Variants in SHANK2 observed in about 807,000 individuals in gnomAD.
SHANK2 encodes the protein SH3 and multiple ankyrin repeat domains protein 2.
In SHANK2, 43 loss-of-function variants were observed where a neutral mutation model predicts 133.7. The ratio of observed to expected loss-of-function variants is 0.32; its 90% CI spans 0.25 to 0.41. The LOEUF is 0.41. SHANK2 is among the 10% of genes least tolerant of loss of function. The pLI, the probability that SHANK2 is intolerant of heterozygous loss-of-function variation, is 1.00. For missense variants in SHANK2, 1,994 were observed against 2,235.8 expected (o/e 0.89, Z 2.18); for synonymous variants, 1,017 against 952.8 (o/e 1.07, Z -1.24).
chr11:71,202,640 CAG>C (rs1349332422), intron 2 of SHANK2, among the ~76,000 whole-genome samples: 1 of 152,160 alleles, frequency 6.6e-6, no homozygotes, highest in African/African-American at 2.4e-5. Flanking sequence ...AGCCAGCACA[CAG>C]AGTCACTAAA....
intron 15 of SHANK2, among the ~76,000 whole-genome samples, chr11:70,674,395 A>G (rs1555016744): frequency 6.7e-6 from 1 of 149,088 alleles, no homozygotes; most frequent in Non-Finnish European, 1.5e-5. Flanking sequence ...TGCTCTTTTT[A>G]CTTGCCAGCT....
intron 9 of SHANK2, among the ~76,000 whole-genome samples, chr11:71,057,292 C>T (rs897396403): frequency 2.0e-3 from 299 of 152,200 alleles, no homozygotes; most frequent in African/African-American, 6.9e-3. Flanking sequence ...CGAGATCGCA[C>T]CCACTGCCCT....
At chr11:70,713,430 G>A (rs1274496457) in intron 14 of SHANK2, among the ~76,000 whole-genome samples, 3 of 152,348 alleles carry the variant, frequency 2.0e-5, no homozygotes, top group Admixed American at 1.3e-4. Flanking sequence ...AGCTGTGTCC[G>A]CTTTCACAGA....
intron 13 of SHANK2, among the ~76,000 whole-genome samples, chr11:70,803,102 G>A (rs1448077720): frequency 6.6e-6 from 1 of 152,042 alleles, no homozygotes; most frequent in Non-Finnish European, 1.5e-5. Context: ...GAAGACACAG[G>A]GATAGCTGCT....
intron 11 of SHANK2, chr11:70,872,229 G>A (rs1239168583): frequency 1.9e-5 from 3 of 154,848 alleles, no homozygotes; most frequent in East Asian, 2.0e-4. Flanking sequence ...TACTGCCAAC[G>A]AGCTACGGAG....
chr11:71,216,224 T>C (rs534185885), intron 2 of SHANK2, among the ~76,000 whole-genome samples: 7 of 152,352 alleles, frequency 4.6e-5, no homozygotes, highest in Middle Eastern at 3.4e-3. Context: ...ATGTCCAGCA[T>C]GTGATAAACA....
chr11:70,721,337 C>T (rs981176874), intron 14 of SHANK2, among the ~76,000 whole-genome samples: 1 of 152,232 alleles, frequency 6.6e-6, no homozygotes, highest in Non-Finnish European at 1.5e-5. Context: ...GCCTGAAGGT[C>T]GGTTCTCAAT....
intron 17 of SHANK2, among the ~76,000 whole-genome samples, chr11:70,584,840 A>G (rs986815447): frequency 2.6e-5 from 4 of 152,234 alleles, no homozygotes; most frequent in African/African-American, 2.4e-5. Context: ...ACTGCGGTAC[A>G]CAGGACCTGC....
At chr11:70,533,696 T>C (rs2059507775) in intron 17 of SHANK2, among the ~76,000 whole-genome samples, 1 of 152,174 alleles carries the variant, frequency 6.6e-6, no homozygotes, top group South Asian at 2.1e-4. Context: ...TGCGACTCCA[T>C]GGCATTTAGT....
chr11:70,898,571 G>C (rs974360429), intron 10 of SHANK2, among the ~76,000 whole-genome samples: 1 of 152,146 alleles, frequency 6.6e-6, no homozygotes, highest in Non-Finnish European at 1.5e-5. Flanking sequence ...TGGCTCAACT[G>C]TGTTCTAGTA....
chr11:70,795,123 C>A (rs782148786), intron 14 of SHANK2, among the ~76,000 whole-genome samples: 11 of 152,148 alleles, frequency 7.2e-5, no homozygotes, highest in Non-Finnish European at 1.3e-4. Context: ...CTCCTTCCAT[C>A]CCAGGTCACA....
rs1383609114 is a variant in SHANK2 at position 70,535,689 on chromosome 11, G to C, written c.2062-32758C>G. 3.9e-5 allele frequency among the ~76,000 whole-genome samples: 6 copies of C among 152,268 alleles called. No homozygotes were observed. Among genetic ancestry groups the C allele is most frequent in the Admixed American group, 3.9e-4 (6 of 15,286 alleles). The stretch of plus-strand genomic sequence containing the variant: ...CCGCCTTTAAGGGCTGCACAGTTGG[G>C]CAGGAGGATGGCCACCCAGGGGGAC... On this transcript the variant is annotated intron_variant, in intron 17 of 25. Transcript: ENST00000601538. This position sits in a 1 kb window ranked among gnomAD's most constrained non-coding sequence, Gnocchi z 4.3.
chr11:70,716,116 C>A (rs563107950), intron 14 of SHANK2, among the ~76,000 whole-genome samples: 1 of 152,332 alleles, frequency 6.6e-6, no homozygotes, highest in South Asian at 2.1e-4. Context: ...CACAGAACAT[C>A]CTGTCTTAGG....
chr11:70,544,625 C>T (rs2059666298), intron 17 of SHANK2, among the ~76,000 whole-genome samples: 2 of 152,218 alleles, frequency 1.3e-5, no homozygotes, highest in Admixed American at 1.3e-4. Flanking sequence ...ACACCCCCTC[C>T]CTGGCCTGGA....
chr11:71,057,505 T>C (rs1322866526), intron 9 of SHANK2, among the ~76,000 whole-genome samples: 2 of 152,340 alleles, frequency 1.3e-5, no homozygotes, highest in African/African-American at 2.4e-5. Flanking sequence ...TTTACTTTCA[T>C]GGAAAGGAAA....
At position 70,486,402 on chromosome 11, in the gene SHANK2, GTTC is replaced by G. The variant is rs782202365; in HGVS notation, c.3888_3890del (p.Lys1296del). 2.6e-5 allele frequency: 42 copies of G among 1,613,904 alleles called. No individual in the cohort carries two copies. The highest frequency in any genetic ancestry group is 1.6e-4 in the Middle Eastern group (1 of 6,084). ...ACGTGTCCATGATGTCGATCAGCAT[GTTC>G]TTCTTGTCATCGCCTTTCCGGTCTC... On this transcript the variant is annotated inframe_deletion, in exon 25 of 26. Transcript: ENST00000601538. This position sits in a 1 kb window ranked among gnomAD's most constrained non-coding sequence, Gnocchi z 8.0.
In SHANK2 at chr11:71,094,524, G is replaced by A; in HGVS notation, c.744+13C>T. On this transcript the variant is annotated intron_variant, in intron 7 of 25. Transcript: ENST00000601538. ...CACGGGGTGGCACCCAAGTAAGATG[G>A]GCCCGAGTTTACCTTCAGGGCAACT... 6.5e-7 allele frequency: 1 copy of A among 1,547,134 alleles called. No homozygotes were observed. The highest frequency in any genetic ancestry group is 8.7e-7 in the Non-Finnish European group (1 of 1,143,792).
intron 17 of SHANK2, among the ~76,000 whole-genome samples, chr11:70,597,270 C>A (rs1272640921): frequency 1.3e-5 from 2 of 152,294 alleles, no homozygotes; most frequent in Middle Eastern, 3.4e-3. Context: ...TGCCCCCCGC[C>A]TTTGAGCTAC....
At chr11:71,200,523 C>T (rs1365697768) in intron 2 of SHANK2, among the ~76,000 whole-genome samples, 1 of 137,924 alleles carries the variant, frequency 7.3e-6, no homozygotes, top group Non-Finnish European at 1.6e-5. Flanking sequence ...CGTTTAACTT[C>T]ACTCTACATT....
Sources: allele counts gnomAD v4.1 joint callset (sites outside exome capture counted in the v4.1 genomes callset), GRCh38; gene constraint gnomAD v4.1.1; non-coding constraint Gnocchi (gnomAD v3.1); transcripts MANE v1.5; gene names NCBI Gene and HGNC (gene_info 2026-07-23, HGNC 2026-07-21).